The following TTC38 variants were observed in gnomAD, a reference collection of about 807,000 sequenced individuals.
The protein encoded by TTC38 is tetratricopeptide repeat domain 38.
TTC38 carries 64 observed loss-of-function variants against 64.2 expected under a neutral mutation model. The ratio of observed to expected loss-of-function variants is 1.00; its 90% CI spans 0.81 to 1.23. The LOEUF (loss-of-function observed/expected upper bound fraction) is 1.23, where lower values mean the gene tolerates loss of function less well. Ranked by LOEUF, TTC38 falls within the 50% of genes most tolerant of loss-of-function variation. The pLI, the probability that TTC38 is intolerant of heterozygous loss-of-function variation, is 0.00. For synonymous variants in TTC38, 254 were observed against 249.3 expected (o/e 1.02, Z -0.18); for missense variants, 573 against 615.5 (o/e 0.93, Z 0.73).
chr22:46,288,759 G>T (rs567432985), intron 11 of TTC38, among the ~76,000 whole-genome samples, 171 bp downstream of exon 11: 270 of 152,242 alleles, frequency 1.8e-3, no homozygotes, highest in African/African-American at 6.0e-3. Flanking sequence ...TGCATCCCCT[G>T]GTGCAGACCC....
rs1256962362 is a variant in TTC38, at chr22:46,281,941, G to A, written c.735+223G>A. ...ACCTTGCCCTAGGGACTCCACTGAGGGTCCAGCCCAGACTTCTCTGTCCTT... is the reference window on the plus strand; with the variant it reads ...ACCTTGCCCTAGGGACTCCACTGAGAGTCCAGCCCAGACTTCTCTGTCCTT... On this transcript the variant is annotated intron_variant, in intron 7 of 13. Coordinates refer to ENST00000381031, the MANE Select transcript of TTC38 (RefSeq NM_017931.4). This position sits in a 1 kb window ranked among gnomAD's most constrained non-coding sequence, Gnocchi z 5.2. 3.0e-6 allele frequency: 2 copies of A among 670,434 alleles called. No homozygotes were observed. The highest frequency in any genetic ancestry group is 5.5e-6 in the Non-Finnish European group (2 of 363,528). The allele number at this position is 670,434 out of a possible 1,614,324, so 41.5% of individuals were successfully genotyped here.
chr22:46,273,252 C>T lies in TTC38; in HGVS notation c.194-646C>T, dbSNP rs1569014578. The stretch of plus-strand genomic sequence containing the variant: ...ATCAGCTGGGCTGGGCTGGGCTCGA[C>T]CATCGGAATCACCAGCTGTTTTCCA... On this transcript the variant is annotated intron_variant, in intron 3 of 13. Coordinates refer to ENST00000381031, the MANE Select transcript of TTC38 (RefSeq NM_017931.4). The surrounding 1 kb of genome is among the most constrained non-coding windows in gnomAD (Gnocchi z 5.1). 6.6e-6 allele frequency among the ~76,000 whole-genome samples: 1 copy of T among 152,186 alleles called. No homozygotes were observed. The highest frequency in any genetic ancestry group is 1.5e-5 in the Non-Finnish European group (1 of 68,032).
Position 46,291,911 on chromosome 22 carries a change from G to A in TTC38, c.1317-880G>A, listed in dbSNP as rs1364022129. On this transcript the variant is annotated intron_variant, in intron 13 of 13. Coordinates refer to ENST00000381031, the MANE Select transcript of TTC38 (RefSeq NM_017931.4). The surrounding 1 kb of genome is among the most constrained non-coding windows in gnomAD (Gnocchi z 4.6). ...GTGGAGGTTGCAGTGAGCCGAGATCGCGTCATTGCACTCCAGCCTGAGTGA... is the reference window on the plus strand; with the variant it reads ...GTGGAGGTTGCAGTGAGCCGAGATCACGTCATTGCACTCCAGCCTGAGTGA... Among the ~76,000 whole-genome samples, 3 of 152,150 alleles carry A rather than the reference G, an allele frequency of 2.0e-5. No homozygotes were observed. Among genetic ancestry groups the A allele is most frequent in the Non-Finnish European group, 2.9e-5 (2 of 68,034 alleles).
Position 46,275,065 on chromosome 22 carries a change from C to T in TTC38, c.366-183C>T, listed in dbSNP as rs1473705361. ...CTTGAACTCCTGACCTCGTGATCCA[C>T]CTGCCTTGGTCTCCCAAAGTGCTGG... On this transcript the variant is annotated intron_variant, in intron 4 of 13. Transcript: ENST00000381031. This position sits in a 1 kb window ranked among gnomAD's most constrained non-coding sequence, Gnocchi z 4.5. Among the ~76,000 whole-genome samples, 1 of 152,312 alleles carries T rather than the reference C, an allele frequency of 6.6e-6. No homozygotes were observed. Among genetic ancestry groups the T allele is most frequent in the African/African-American group, 2.4e-5 (1 of 41,568 alleles).
intron 12 of TTC38, 119 bp from the exon 13 acceptor site, chr22:46,289,707 G>A (rs560827949): frequency 1.2e-4 from 170 of 1,472,694 alleles, no homozygotes; most frequent in Admixed American, 6.4e-4. Flanking sequence ...TAAGTTCGTC[G>A]TTGAGGGTGT....
chr22:46,279,592 C>G (rs1435039043), intron 6 of TTC38, among the ~76,000 whole-genome samples: 2 of 152,236 alleles, frequency 1.3e-5, no homozygotes, highest in Admixed American at 6.5e-5. Flanking sequence ...AGTAGTTGCC[C>G]TAGTCGGCCT....
chr22:46,278,063 G>T (rs2077506354), intron 5 of TTC38, among the ~76,000 whole-genome samples: 1 of 152,250 alleles, frequency 6.6e-6, no homozygotes, highest in Non-Finnish European at 1.5e-5. Flanking sequence ...TCAGAAGCAT[G>T]GAATTGCTGA....
rs376698887 is a variant in TTC38 at position 46,283,076 on chromosome 22, G to A, written c.736-897G>A. On this transcript the variant is annotated intron_variant, in intron 7 of 13. Coordinates refer to ENST00000381031, the MANE Select transcript of TTC38 (RefSeq NM_017931.4). ...CCCAAATAGCAGGGACTACTGGTGC[G>A]TGCCACCACACCTGGCTAATTAAAA... Among the ~76,000 whole-genome samples, 56 of 152,154 alleles carry A rather than the reference G, an allele frequency of 3.7e-4. No homozygotes were observed. In the East Asian group the frequency reaches 7.5e-3, roughly 20 times the overall value.
At position 46,292,804 on chromosome 22, in the gene TTC38, G is replaced by A; in HGVS notation, c.1330G>A (p.Glu444Lys). The change falls in exon 14 of 14, where the codon GAG becomes AAG. Residue 444 changes from glutamate to lysine, a missense_variant. Glu to Lys is a moderately conservative substitution (Grantham distance 56). This residue lies in a region of TTC38 where 371 missense variants were observed against 381.8 expected (regional missense o/e 0.97). Coordinates refer to ENST00000381031, the MANE Select transcript of TTC38 (RefSeq NM_017931.4). The surrounding 1 kb of genome is among the most constrained non-coding windows in gnomAD (Gnocchi z 6.5). ...HKNVARSLLM[E>K]RDALKPNSPL... ...CTGTTTCCACAGGAGCCTTCTGATGGAGCGTGATGCCTTGAAGCCCAACTC... is the reference window on the plus strand; with the variant it reads ...CTGTTTCCACAGGAGCCTTCTGATGAAGCGTGATGCCTTGAAGCCCAACTC... The A allele has an allele frequency of 1.9e-6, 3 of 1,613,900 alleles. No homozygotes were observed. Among genetic ancestry groups the A allele is most frequent in the Non-Finnish European group, 2.5e-6 (3 of 1,179,826 alleles).
chr22:46,269,644 G>A (rs1936850595), intron 2 of TTC38, among the ~76,000 whole-genome samples: 1 of 152,228 alleles, frequency 6.6e-6, no homozygotes, highest in South Asian at 2.1e-4. Flanking sequence ...AGGACTGATG[G>A]AATGCTGTGA....
rs1172395906 is a variant in TTC38 at position 46,274,005 on chromosome 22, A to G, written c.301A>G (p.Arg101Gly). ...LAVKTMVEIS[R>G]TQPLTRREQL... Reference sequence around the variant, plus strand: ...TGTGAAGACAATGGTGGAGATTTCAAGAACCCAGCCGCTGACAAGGCGGGA... The same window carrying G: ...TGTGAAGACAATGGTGGAGATTTCAGGAACCCAGCCGCTGACAAGGCGGGA... Residue 101 changes from arginine (R) to glycine (G), a missense_variant, in exon 4 of 14, where the codon AGA (arginine) becomes GGA (glycine). Physicochemically the swap from Arg to Gly is moderately radical, Grantham distance 125 (BLOSUM62 -2). Around this residue, in one of 3 missense-constraint regions of TTC38, gnomAD observed 134 missense variants for 126.5 expected, o/e 1.06. Coordinates refer to ENST00000381031, the MANE Select transcript of TTC38 (RefSeq NM_017931.4). The surrounding 1 kb of genome is among the most constrained non-coding windows in gnomAD (Gnocchi z 4.8). The G allele has an allele frequency of 1.9e-6, 3 of 1,614,130 alleles. No homozygotes were observed. The highest frequency in any genetic ancestry group is 2.5e-6 in the Non-Finnish European group (3 of 1,180,056).
rs1164845978 is a variant in TTC38 at position 46,275,033 on chromosome 22, G to C, written c.366-215G>C. 6.6e-6 allele frequency among the ~76,000 whole-genome samples: 1 copy of C among 152,108 alleles called. No individual in the cohort carries two copies. Among genetic ancestry groups the C allele is most frequent in the Non-Finnish European group, 1.5e-5 (1 of 68,020 alleles). On this transcript the variant is annotated intron_variant, in intron 4 of 13. Transcript: ENST00000381031. This position sits in a 1 kb window ranked among gnomAD's most constrained non-coding sequence, Gnocchi z 4.5. ...AGATGGGGTTTCACCATCTTGGCCA[G>C]GCTGGTCTTGAACTCCTGACCTCGT...
rs918155454 is a variant in TTC38, at chr22:46,274,526, C to A, written c.365+457C>A. On this transcript the variant is annotated intron_variant, in intron 4 of 13. Coordinates refer to ENST00000381031, the MANE Select transcript of TTC38 (RefSeq NM_017931.4). This position sits in a 1 kb window ranked among gnomAD's most constrained non-coding sequence, Gnocchi z 4.8. ...GGTTCCCTCATTCTCCGGGACAGCCCCCATGTCTGCTCAGGCAGGCGAGAT... is the reference window on the plus strand; with the variant it reads ...GGTTCCCTCATTCTCCGGGACAGCCACCATGTCTGCTCAGGCAGGCGAGAT... Among the ~76,000 whole-genome samples, 1 of 152,166 alleles carries A rather than the reference C, an allele frequency of 6.6e-6. No homozygotes were observed. The highest frequency in any genetic ancestry group is 2.4e-5 in the African/African-American group (1 of 41,442).
chr22:46,274,918 G>A lies in TTC38; in HGVS notation c.366-330G>A, dbSNP rs1936974703. 6.6e-6 allele frequency among the ~76,000 whole-genome samples: 1 copy of A among 152,070 alleles called. No individual in the cohort carries two copies. ...TCGGCTCACTGCCTCCACCTCCCGGGTTCAAGTGATTCTCCTGCCTCAGCC... is the reference window on the plus strand; with the variant it reads ...TCGGCTCACTGCCTCCACCTCCCGGATTCAAGTGATTCTCCTGCCTCAGCC... On this transcript the variant is annotated intron_variant, in intron 4 of 13. Coordinates refer to ENST00000381031, the MANE Select transcript of TTC38 (RefSeq NM_017931.4). This position sits in a 1 kb window ranked among gnomAD's most constrained non-coding sequence, Gnocchi z 4.8.
At position 46,273,811 on chromosome 22, in the gene TTC38, G is replaced by C; in HGVS notation, c.194-87G>C. On this transcript the variant is annotated intron_variant, in intron 3 of 13. Coordinates refer to ENST00000381031, the MANE Select transcript of TTC38 (RefSeq NM_017931.4). This position sits in a 1 kb window ranked among gnomAD's most constrained non-coding sequence, Gnocchi z 5.1. ...CCTGGCTGGCCCCTCCTGGGACGTG[G>C]GGTGTCTCTGTGACATGTGGAGTCT... 1 of 1,400,460 alleles carries C rather than the reference G, an allele frequency of 7.1e-7. No individual in the cohort carries two copies. Among genetic ancestry groups the C allele is most frequent in the Non-Finnish European group, 9.9e-7 (1 of 1,008,080 alleles). The allele number at this position is 1,400,460 out of a possible 1,614,324, so 86.8% of individuals were successfully genotyped here.
At chr22:46,288,385 C>G in intron 10 of TTC38, 38 bp from the exon 11 acceptor site, 1 of 1,595,814 alleles carries the variant, frequency 6.3e-7, no homozygotes, top group Non-Finnish European at 8.6e-7. Flanking sequence ...GCCCCAGAGC[C>G]TCACTCCAGG....
At chr22:46,287,732 C>T (rs999173228) in intron 10 of TTC38, among the ~76,000 whole-genome samples, 10 of 152,172 alleles carry the variant, frequency 6.6e-5, no homozygotes, top group African/African-American at 2.2e-4. Flanking sequence ...GTCAGCAGTA[C>T]GATGAGGGCT....
In TTC38 at chr22:46,268,711, G is replaced by C; in HGVS notation, c.111+120G>C. On this transcript the variant is annotated intron_variant, in intron 2 of 13. Coordinates refer to ENST00000381031, the MANE Select transcript of TTC38 (RefSeq NM_017931.4). ...TGTTTTGTTTTGTTTTTGAGGCGGA[G>C]TCTCGCTCTGTCGCCCAGGCTGGAG... 3.0e-6 allele frequency: 3 copies of C among 983,676 alleles called. No individual in the cohort carries two copies. In the South Asian group the frequency reaches 4.4e-5, roughly 14 times the overall value. The allele number at this position is 983,676 out of a possible 1,614,324, so 60.9% of individuals were successfully genotyped here.
chr22:46,277,809 A>T (rs887706819), intron 5 of TTC38, among the ~76,000 whole-genome samples: 5 of 152,142 alleles, frequency 3.3e-5, no homozygotes. Context: ...ACAGCACTGC[A>T]GAAGTCAAGG....
Sources: allele counts gnomAD v4.1 joint callset (sites outside exome capture counted in the v4.1 genomes callset), GRCh38; gene constraint gnomAD v4.1.1; regional missense constraint gnomAD v4.1.1; non-coding constraint Gnocchi (gnomAD v3.1); transcripts MANE v1.5; gene names NCBI Gene and HGNC (gene_info 2026-07-23, HGNC 2026-07-21).